The following NTN1 variants were observed in gnomAD, a reference collection of about 807,000 sequenced individuals.
NTN1 encodes netrin-1.
NTN1 carries 11 observed loss-of-function variants against 54.2 expected under a neutral mutation model. The ratio of observed to expected loss-of-function variants is 0.20; its 90% CI spans 0.13 to 0.34. The LOEUF (loss-of-function observed/expected upper bound fraction) is 0.34. Ranked by LOEUF, NTN1 falls within the 10% of genes least tolerant of loss-of-function variation. The pLI is 1.00. For synonymous variants in NTN1, 371 were observed against 382.0 expected (o/e 0.97, Z 0.33); for missense variants, 740 against 893.1 (o/e 0.83, Z 2.18).
intron 6 of NTN1, among the ~76,000 whole-genome samples, chr17:9,224,811 G>GGC (rs71361878): frequency 0.21 from 31,168 of 150,520 alleles, 3,320 homozygotes; most frequent in Non-Finnish European, 0.23. Context: ...GGGTGGGGGG[G>GGC]CACAGTGGGA....
At chr17:9,150,713 T>C (rs574736913) in intron 2 of NTN1, among the ~76,000 whole-genome samples, 8 of 151,876 alleles carry the variant, frequency 5.3e-5, no homozygotes, top group African/African-American at 1.7e-4. Context: ...TAGGAGGGGA[T>C]TGTTTCAAAG....
At chr17:9,152,996 C>T (rs1567723302) in intron 2 of NTN1, among the ~76,000 whole-genome samples, 4 of 152,084 alleles carry the variant, frequency 2.6e-5, no homozygotes, top group South Asian at 2.1e-4. Context: ...CGGCCAGGTG[C>T]GGTGCTTCAT....
intron 5 of NTN1, among the ~76,000 whole-genome samples, chr17:9,205,582 C>T (rs1400883484): frequency 6.6e-6 from 1 of 152,254 alleles, no homozygotes; most frequent in African/African-American, 2.4e-5. Flanking sequence ...GTGATTGCGC[C>T]TCTGCGCTCC....
chr17:9,131,065 G>A (rs1011456571), intron 2 of NTN1, among the ~76,000 whole-genome samples: 1 of 152,004 alleles, frequency 6.6e-6, no homozygotes, highest in East Asian at 1.9e-4. Flanking sequence ...GCTCTGCCAG[G>A]CACACTCTTA....
intron 3 of NTN1, among the ~76,000 whole-genome samples, chr17:9,164,286 G>A (rs946522708): frequency 6.6e-5 from 10 of 152,210 alleles, no homozygotes; most frequent in African/African-American, 2.2e-4. Context: ...TTAACTGGGT[G>A]TGGTGGCGGT....
chr17:9,028,986 G>C (rs1420363634), intron 2 of NTN1, among the ~76,000 whole-genome samples: 1 of 151,374 alleles, frequency 6.6e-6, no homozygotes, highest in Admixed American at 6.6e-5. Flanking sequence ...GGTTTCTGTA[G>C]TGCCTTTCAT....
At chr17:9,180,269 C>T (rs1049044963) in intron 4 of NTN1, among the ~76,000 whole-genome samples, 3 of 152,342 alleles carry the variant, frequency 2.0e-5, no homozygotes, top group East Asian at 3.9e-4. Context: ...GAACTCCTGA[C>T]CTCAGGTGAT....
intron 6 of NTN1, among the ~76,000 whole-genome samples, chr17:9,232,744 G>A (rs1181857109): frequency 5.3e-5 from 8 of 152,118 alleles, no homozygotes; most frequent in Non-Finnish European, 5.9e-5. Flanking sequence ...GTGACCCCCC[G>A]TCCCGGGTGT....
intron 2 of NTN1, among the ~76,000 whole-genome samples, chr17:9,143,520 A>G (rs565514929): frequency 2.0e-5 from 3 of 152,136 alleles, no homozygotes; most frequent in African/African-American, 7.2e-5. Flanking sequence ...CTTCTACCTC[A>G]TGGTCAAACT....
intron 2 of NTN1, among the ~76,000 whole-genome samples, chr17:9,140,198 C>T (rs116707927): frequency 0.023 from 3,447 of 152,162 alleles, 139 homozygotes; most frequent in African/African-American, 0.079. Context: ...CCTGAAAGAC[C>T]GTCGGGTGGT....
At chr17:9,120,651 G>C (rs1241615317) in intron 2 of NTN1, among the ~76,000 whole-genome samples, 1 of 152,186 alleles carries the variant, frequency 6.6e-6, no homozygotes, top group African/African-American at 2.4e-5. Context: ...TCTGGATTCT[G>C]TTCATCTGCA....
chr17:9,042,488 T>TAA (rs879534793), intron 2 of NTN1, among the ~76,000 whole-genome samples: 1,455 of 83,546 alleles, frequency 0.017, 25 homozygotes, highest in African/African-American at 0.057. Context: ...CTCTGTCCCT[T>TAA]AAAAAAAAAA....
intron 2 of NTN1, among the ~76,000 whole-genome samples, chr17:9,092,949 G>A (rs557610714): frequency 6.6e-5 from 10 of 152,254 alleles, no homozygotes; most frequent in East Asian, 1.9e-4. Context: ...TAGTAGAGAC[G>A]GGGTTTCACT....
intron 2 of NTN1, among the ~76,000 whole-genome samples, chr17:9,100,537 G>A (rs1012059084): frequency 4.0e-5 from 6 of 151,474 alleles, no homozygotes; most frequent in Non-Finnish European, 8.8e-5. Context: ...GCTTGACCTC[G>A]TGATGTGCCT....
chr17:9,037,892 A>G (rs9674710), intron 2 of NTN1, among the ~76,000 whole-genome samples: 94,404 of 151,928 alleles, frequency 0.62, 29,583 homozygotes, highest in East Asian at 0.71. Flanking sequence ...TTCCCTGTTC[A>G]CTCAGAGGAA....
chr17:9,207,754 C>G (rs1180672939), intron 5 of NTN1, among the ~76,000 whole-genome samples: 1 of 152,234 alleles, frequency 6.6e-6, no homozygotes, highest in African/African-American at 2.4e-5. Flanking sequence ...ACACCCCACA[C>G]CCCATAGACA....
At chr17:9,064,764 A>T (rs2092009567) in intron 2 of NTN1, among the ~76,000 whole-genome samples, 3 of 152,006 alleles carry the variant, frequency 2.0e-5, no homozygotes, top group African/African-American at 7.3e-5. Context: ...ACACAACAGC[A>T]GTGTGATCTC....
rs527702456 is a variant in NTN1 at position 9,234,858 on chromosome 17, G to C, written c.1487-4782G>C. Among the ~76,000 whole-genome samples, 80 of 152,228 alleles carry C rather than the reference G, an allele frequency of 5.3e-4. 1 individual carries two copies. Among genetic ancestry groups the C allele is most frequent in the African/African-American group, 1.9e-3 (77 of 41,540 alleles). On this transcript the variant is annotated intron_variant, in intron 6 of 6. Coordinates refer to ENST00000173229, the MANE Select transcript of NTN1 (RefSeq NM_004822.3). Reference sequence around the variant, plus strand: ...TAACATCTGCCTCATTGACTTCCTTGTGTCCACTTCAGAGAATGGCCATTC... The same window carrying C: ...TAACATCTGCCTCATTGACTTCCTTCTGTCCACTTCAGAGAATGGCCATTC...
the NTN1 span, among the ~76,000 whole-genome samples, chr17:9,010,536 C>T: frequency 1.3e-5 from 2 of 152,330 alleles, no homozygotes; most frequent in Admixed American, 1.3e-4. Flanking sequence ...AGTGGTCTCT[C>T]ATTTTGTTCC....
Sources: gnomAD v4.1 joint callset for allele counts (sites outside exome capture counted in the v4.1 genomes callset) on GRCh38, gnomAD v4.1.1 for gene constraint, MANE v1.5 for transcripts, NCBI Gene and HGNC (gene_info 2026-07-23, HGNC 2026-07-21) for gene names.